CSPP1: variants seen among roughly 807,000 people sequenced by gnomAD.
The protein encoded by CSPP1 is centrosome and spindle pole-associated protein 1.
Under a neutral mutation model 164.4 loss-of-function variants are expected in CSPP1, and 126 were observed. The observed-to-expected ratio is 0.77, with a 90% CI of 0.66 to 0.89. CSPP1 has a LOEUF of 0.89. Among genes scored for constraint, CSPP1 ranks in the 40% least tolerant of loss-of-function variants. The pLI is 0.00. For missense variants in CSPP1, 1,395 were observed against 1,449.8 expected (o/e 0.96, Z 0.61); for synonymous variants, 472 against 476.7 (o/e 0.99, Z 0.13).
chr8:67,127,220 C>T (rs1490875754), intron 15 of CSPP1, among the ~76,000 whole-genome samples: 1 of 152,158 alleles, frequency 6.6e-6, no homozygotes. Flanking sequence ...AATTACTTAG[C>T]TCAAGCTGCT....
rs1419276627 is a variant in CSPP1, at chr8:67,102,707, C to CT, written c.924-330_924-329insT. ...TCTTTGTGAGTGCAGGGACTGTGTCCGAATACCCAGTAGGTGTTCAGTTAT... is the reference window on the plus strand; with the variant it reads ...TCTTTGTGAGTGCAGGGACTGTGTCCTGAATACCCAGTAGGTGTTCAGTTAT... On this transcript the variant is annotated intron_variant, in intron 7 of 30. Transcript: ENST00000678616. 2.6e-5 allele frequency among the ~76,000 whole-genome samples: 4 copies of CT among 151,834 alleles called. No individual in the cohort carries two copies. In the East Asian group the frequency reaches 7.7e-4, roughly 29 times the overall value.
At chr8:67,089,446 A>T (rs866871541) in intron 4 of CSPP1, among the ~76,000 whole-genome samples, 1 of 152,198 alleles carries the variant, frequency 6.6e-6, no homozygotes, top group Non-Finnish European at 1.5e-5. Context: ...TCTTATGTAG[A>T]CCATGTCCAA....
chr8:67,175,279 C>A lies in CSPP1; in HGVS notation c.2969-17C>A. The A allele has an allele frequency of 1.3e-6, 2 of 1,587,208 alleles. No homozygotes were observed. The highest frequency in any genetic ancestry group is 4.5e-5 in the East Asian group (2 of 44,634). ...AACAACATTTAACTTAGTTATATAACATATTTTTTATACCAGATTCAGAAA... is the reference window on the plus strand; with the variant it reads ...AACAACATTTAACTTAGTTATATAAAATATTTTTTATACCAGATTCAGAAA... On this transcript the variant is annotated splice_polypyrimidine_tract_variant and intron_variant, in intron 25 of 30. Coordinates refer to ENST00000678616, the MANE Select transcript of CSPP1 (RefSeq NM_001382391.1).
At chr8:67,150,989 C>T (rs1218991945) in intron 18 of CSPP1, among the ~76,000 whole-genome samples, 1 of 152,146 alleles carries the variant, frequency 6.6e-6, no homozygotes, top group Non-Finnish European at 1.5e-5. Context: ...ATATTTGTGA[C>T]TGATCATGTA....
intron 19 of CSPP1, among the ~76,000 whole-genome samples, chr8:67,155,479 G>A (rs558957397): frequency 3.9e-5 from 6 of 152,278 alleles, no homozygotes; most frequent in Non-Finnish European, 8.8e-5. Flanking sequence ...AGGCAGTGAC[G>A]TAATGGATAT....
intron 2 of CSPP1, among the ~76,000 whole-genome samples, chr8:67,075,886 C>G (rs1339820318): frequency 1.3e-5 from 2 of 152,228 alleles, no homozygotes; most frequent in African/African-American, 4.8e-5. Context: ...GAGTCTATCT[C>G]TTAACCACTC....
intron 1 of CSPP1, among the ~76,000 whole-genome samples, chr8:67,065,737 C>T (rs1207871968): frequency 6.6e-6 from 1 of 152,064 alleles, no homozygotes; most frequent in Non-Finnish European, 1.5e-5. Flanking sequence ...CCTTGTTGGC[C>T]AGGCTGGTCT....
intron 17 of CSPP1, among the ~76,000 whole-genome samples, chr8:67,147,787 G>A (rs890134131): frequency 2.0e-5 from 3 of 151,914 alleles, no homozygotes; most frequent in Non-Finnish European, 4.4e-5. Flanking sequence ...TTCTTCTAAG[G>A]ACTGTCATCT....
At chr8:67,184,324 G>T (rs1833828399) in intron 28 of CSPP1, among the ~76,000 whole-genome samples, 1 of 152,164 alleles carries the variant, frequency 6.6e-6, no homozygotes. Flanking sequence ...AGAAATCAAT[G>T]AAATTGAAAA....
At chr8:67,095,229 A>T in intron 6 of CSPP1, 64 bp from the exon 7 acceptor site, 1 of 984,136 alleles carries the variant, frequency 1.0e-6, no homozygotes, top group Non-Finnish European at 1.5e-6. Flanking sequence ...TTGAGGGTTT[A>T]ATTACCTTAT....
Position 67,109,333 on chromosome 8 carries a change from C to T in CSPP1, c.1094-2639C>T, listed in dbSNP as rs189523034. Among the ~76,000 whole-genome samples, 340 of 152,294 alleles carry T rather than the reference C, an allele frequency of 2.2e-3. 3 individuals carry two copies. Among genetic ancestry groups the T allele is most frequent in the Admixed American group, 8.0e-3 (122 of 15,294 alleles). ...CATGTGGGCTTCCTCACCATGGTTA[C>T]TCACTTTATGCCAGCAAGAAGAATC... On this transcript the variant is annotated intron_variant, in intron 9 of 30. Transcript: ENST00000678616.
At chr8:67,148,838 T>A (rs1825129432) in intron 17 of CSPP1, among the ~76,000 whole-genome samples, 1 of 152,214 alleles carries the variant, frequency 6.6e-6, no homozygotes, top group South Asian at 2.1e-4. Flanking sequence ...AGATTGGTTG[T>A]TTGACCCAAT....
chr8:67,144,558 A>C (rs1025122257), intron 17 of CSPP1, among the ~76,000 whole-genome samples: 1 of 151,942 alleles, frequency 6.6e-6, no homozygotes, highest in Non-Finnish European at 1.5e-5. Context: ...TGCCACCTCA[A>C]CTTTCTGAGT....
At chr8:67,069,518 C>T (rs528754565) in intron 1 of CSPP1, among the ~76,000 whole-genome samples, 10 of 151,438 alleles carry the variant, frequency 6.6e-5, no homozygotes, top group Non-Finnish European at 1.2e-4. Context: ...CTTTCAAAGC[C>T]TGGTTAGAAC....
rs868507687 is a variant in CSPP1, at chr8:67,157,335, G to A, written c.2242-1112G>A. ...TTTAAAGACAGAGTCTCATTCTGTC[G>A]CCCAGGCTGGAGTGCAGTGGTGCAA... On this transcript the variant is annotated intron_variant, in intron 19 of 30. Transcript: ENST00000678616. Among the ~76,000 whole-genome samples, 8 of 151,160 alleles carry A rather than the reference G, an allele frequency of 5.3e-5. No individual in the cohort carries two copies. The South Asian group carries it at 6.3e-4, about 12-fold the overall frequency.
Position 67,091,813 on chromosome 8 carries a change from T to C in CSPP1, c.314T>C (p.Leu105Pro), listed in dbSNP as rs1811666448. 1 of 1,318,240 alleles carries C rather than the reference T, an allele frequency of 7.6e-7. No homozygotes were observed. Among genetic ancestry groups the C allele is most frequent in the Non-Finnish European group, 1.0e-6 (1 of 992,300 alleles). The allele number at this position is 1,318,240 out of a possible 1,614,324, so 81.7% of individuals were successfully genotyped here. A position where few individuals can be genotyped will look rare whatever the true frequency, so the allele number is the denominator to read the frequency against. ...YRRYLTQKNF[L>P]STSETDPSTL... is the part of the protein sequence containing the mutation. ...TGTGTATATATACAGAAAAATTTTC[T>C]ATCTACGAGTGAAACAGATCCATCT... Residue 105 changes from leucine to proline, a missense_variant, in exon 5 of 31, where the codon CTA becomes CCA. Physicochemically the swap from Leu to Pro is moderately conservative, Grantham distance 98. Coordinates refer to ENST00000678616, the MANE Select transcript of CSPP1 (RefSeq NM_001382391.1).
intron 5 of CSPP1, among the ~76,000 whole-genome samples, chr8:67,092,498 C>CG (rs1333577627): frequency 6.6e-6 from 1 of 152,084 alleles, no homozygotes; most frequent in Non-Finnish European, 1.5e-5. Flanking sequence ...AGGGCAGTGG[C>CG]GGGGTCTTGG....
chr8:67,102,855 A>C (rs1243536108), intron 7 of CSPP1, among the ~76,000 whole-genome samples, 182 bp from the exon 8 acceptor site: 1 of 152,218 alleles, frequency 6.6e-6, no homozygotes, highest in Non-Finnish European at 1.5e-5. Flanking sequence ...TTAAACTCTT[A>C]GTGTCTCATT....
intron 28 of CSPP1, among the ~76,000 whole-genome samples, chr8:67,189,598 T>C (rs1835642498): frequency 6.6e-6 from 1 of 152,184 alleles, no homozygotes; most frequent in Non-Finnish European, 1.5e-5. Context: ...TAAACAATGA[T>C]AGTGTTGTAT....
Sources: gnomAD v4.1 joint callset for allele counts (sites outside exome capture counted in the v4.1 genomes callset) on GRCh38, gnomAD v4.1.1 for gene constraint, MANE v1.5 for transcripts, NCBI Gene and HGNC (gene_info 2026-07-23, HGNC 2026-07-21) for gene names.